The following C2CD3 variants were observed in gnomAD, a reference collection of about 807,000 sequenced individuals.
The protein encoded by C2CD3 is C2 domain-containing protein 3.
A neutral mutation model predicts 234.0 loss-of-function variants in C2CD3; 148 were observed. The observed-to-expected ratio is 0.63, with a 90% CI of 0.55 to 0.72. C2CD3 has a LOEUF of 0.72. C2CD3 is among the 30% of genes least tolerant of loss of function. The pLI, the probability that C2CD3 is intolerant of heterozygous loss-of-function variation, is 0.00. For synonymous variants in C2CD3, 1,000 were observed against 1,035.4 expected (o/e 0.97, Z 0.66); for missense variants, 2,577 against 2,811.5 (o/e 0.92, Z 1.89).
chr11:74,092,316 A>G, intron 19 of C2CD3, 100 bp downstream of exon 19: 1 of 1,110,072 alleles, frequency 9.0e-7, no homozygotes, highest in Non-Finnish European at 1.3e-6. Flanking sequence ...TGGCTTCCCA[A>G]AGTGCTGGGA....
In C2CD3 at chr11:74,120,925, AG is replaced by A. The variant is rs1957189220; in HGVS notation, c.1365+2062del. On this transcript the variant is annotated intron_variant, in intron 8 of 32. Coordinates refer to ENST00000334126, the MANE Select transcript of C2CD3 (RefSeq NM_001286577.2). ...GTAATTTCAACCCTTTGGGAGGCCA[AG>A]GCAGGAGAATTGCTTGAGCCAGGAG... Among the ~76,000 whole-genome samples, 4 of 152,152 alleles carry A rather than the reference AG, an allele frequency of 2.6e-5. No homozygotes were observed. In the South Asian group the frequency reaches 8.3e-4, roughly 32 times the overall value.
At chr11:74,030,845 A>G (rs1056545186) in intron 31 of C2CD3, among the ~76,000 whole-genome samples, 1 of 152,152 alleles carries the variant, frequency 6.6e-6, no homozygotes, top group African/African-American at 2.4e-5. Context: ...CTATCCAGTA[A>G]ATGATATCAC....
At chr11:74,083,472 C>T (rs1339696492) in intron 22 of C2CD3, among the ~76,000 whole-genome samples, 3 of 152,158 alleles carry the variant, frequency 2.0e-5, no homozygotes, top group African/African-American at 7.2e-5. Context: ...AGCTTCTGCA[C>T]AGCAAAAGAA....
intron 32 of C2CD3, among the ~76,000 whole-genome samples, chr11:74,021,433 G>T (rs1017881052): frequency 2.0e-5 from 3 of 152,296 alleles, no homozygotes; most frequent in Non-Finnish European, 4.4e-5. Context: ...GTAGGCAGTT[G>T]TAGAGTTACA....
chr11:74,022,799 A>T (rs924025087), intron 32 of C2CD3, among the ~76,000 whole-genome samples: 1 of 152,224 alleles, frequency 6.6e-6, no homozygotes. Flanking sequence ...ATTGATTTAT[A>T]ATGAATTTGG....
At chr11:74,056,232 G>A (rs1362372877) in intron 25 of C2CD3, among the ~76,000 whole-genome samples, 1 of 152,210 alleles carries the variant, frequency 6.6e-6, no homozygotes, top group African/African-American at 2.4e-5. Context: ...GCTAGTGTTG[G>A]TGGACAAGAA....
rs762028403 is a variant in C2CD3, at chr11:74,049,333, A to G, written c.5361+4T>C. ...TGGTTAGGGATGTGAATCTCCATACATACCAGTGATTTTGAGGTCTCCACT... is the reference window on the plus strand; with the variant it reads ...TGGTTAGGGATGTGAATCTCCATACGTACCAGTGATTTTGAGGTCTCCACT... On this transcript the variant is annotated splice_donor_region_variant and intron_variant, in intron 27 of 32. Coordinates refer to ENST00000334126, the MANE Select transcript of C2CD3 (RefSeq NM_001286577.2). 2.5e-6 allele frequency: 4 copies of G among 1,612,578 alleles called. No individual in the cohort carries two copies. The highest frequency in any genetic ancestry group is 1.7e-5 in the Admixed American group (1 of 60,020).
chr11:74,097,009 C>T (rs1330951888), intron 16 of C2CD3, among the ~76,000 whole-genome samples: 5 of 151,760 alleles, frequency 3.3e-5, no homozygotes, highest in African/African-American at 1.2e-4. Flanking sequence ...AGTTACCAGG[C>T]CCAGTGGTGG....
intron 20 of C2CD3, among the ~76,000 whole-genome samples, chr11:74,089,315 TAAAC>T (rs568406877): frequency 6.6e-6 from 1 of 152,042 alleles, no homozygotes; most frequent in African/African-American, 2.4e-5. Flanking sequence ...AAGTTGAAAT[TAAAC>T]AAACAAACAA....
At chr11:74,097,932 G>A in intron 16 of C2CD3, 77 bp downstream of exon 16, 1 of 1,423,386 alleles carries the variant, frequency 7.0e-7, no homozygotes, top group Non-Finnish European at 9.7e-7. Context: ...AGAAATAAAG[G>A]ATTTGGGCAA....
chr11:74,162,960 A>G (rs908500244), intron 2 of C2CD3, among the ~76,000 whole-genome samples: 1 of 152,182 alleles, frequency 6.6e-6, no homozygotes, highest in Admixed American at 6.5e-5. Context: ...GAACCAAGAG[A>G]AATGAAAATA....
At chr11:74,134,878 C>T (rs1311376482) in intron 5 of C2CD3, among the ~76,000 whole-genome samples, 1 of 152,098 alleles carries the variant, frequency 6.6e-6, no homozygotes, top group Non-Finnish European at 1.5e-5. Flanking sequence ...GTGCATACCA[C>T]CATGCCTGGC....
chr11:74,121,956 G>A (rs1331359769), intron 8 of C2CD3, among the ~76,000 whole-genome samples: 2 of 152,110 alleles, frequency 1.3e-5, no homozygotes, highest in Non-Finnish European at 2.9e-5. Context: ...TAGCCCAGTG[G>A]CTTCCTATCT....
chr11:74,084,856 G>C, intron 22 of C2CD3, 25 bp downstream of exon 22: 1 of 1,405,860 alleles, frequency 7.1e-7, no homozygotes, highest in Non-Finnish European at 1.0e-6. Flanking sequence ...GGTGGCATCA[G>C]AAAGTGATAA....
rs528614787 is a variant in C2CD3 at position 74,013,254 on chromosome 11, G to A, written c.*131C>T. The A allele has an allele frequency of 3.9e-5, 16 of 412,062 alleles. No individual in the cohort carries two copies. The highest frequency in any genetic ancestry group is 2.1e-4 in the African/African-American group (10 of 48,762). 25.5% of individuals were successfully genotyped at this position (412,062 alleles called of 1,614,324 possible). ...GCTGACCGGGTCTCTTGAGGCATCC[G>A]TGGCCTAGGCAAGTGGTGGTTTCAG... On this transcript the variant is annotated 3_prime_UTR_variant, in exon 33 of 33. Coordinates refer to ENST00000334126, the MANE Select transcript of C2CD3 (RefSeq NM_001286577.2).
chr11:74,085,768 C>A lies in C2CD3; in HGVS notation c.3760G>T (p.Ala1254Ser), dbSNP rs1955611963. 6.2e-7 allele frequency: 1 copy of A among 1,614,054 alleles called. No individual in the cohort carries two copies. The highest frequency in any genetic ancestry group is 1.3e-5 in the African/African-American group (1 of 75,008). The change falls in exon 21 of 33, where the codon GCC (alanine) becomes TCC (serine). Residue 1254 changes from alanine to serine, a missense_variant. Physicochemically the swap from Ala to Ser is moderately conservative, Grantham distance 99. Coordinates refer to ENST00000334126, the MANE Select transcript of C2CD3 (RefSeq NM_001286577.2). ...QGEQRRTHPVACSFCPEFSHH... is the reference protein window; with the variant it reads ...QGEQRRTHPVSCSFCPEFSHH... The stretch of plus-strand genomic sequence containing the variant: ...GAGAACTCAGGGCAGAAAGAACAGG[C>A]CACAGGGTGGGTTCGGCGCTGTTCT...
chr11:74,092,274 C>T (rs1055602722), intron 19 of C2CD3, 142 bp downstream of exon 19: 5 of 630,290 alleles, frequency 7.9e-6, no homozygotes, highest in South Asian at 4.0e-5. Flanking sequence ...AGGCTGGTCT[C>T]GAACTCCTGA....
chr11:74,117,854 G>A (rs184357399), intron 9 of C2CD3, among the ~76,000 whole-genome samples: 230 of 151,574 alleles, frequency 1.5e-3, no homozygotes, highest in Middle Eastern at 0.014. Flanking sequence ...TGGAGGTTGC[G>A]GTGATCTGAG....
At position 74,114,509 on chromosome 11, in the gene C2CD3, C is replaced by T. The variant is rs746138523; in HGVS notation, c.1605G>A (p.Leu535=). 2 of 1,613,716 alleles carry T rather than the reference C, an allele frequency of 1.2e-6. No homozygotes were observed. The highest frequency in any genetic ancestry group is 1.3e-5 in the African/African-American group (1 of 75,002). The change falls in exon 10 of 33, where the codon TTG becomes TTA. Residue 535 remains leucine, a synonymous_variant. Coordinates refer to ENST00000334126, the MANE Select transcript of C2CD3 (RefSeq NM_001286577.2). The stretch of plus-strand genomic sequence containing the variant: ...TGATTCTGACTGAATGTGTTCTACC[C>T]AAAAGGGCCAGTCTATCCACACTTA... ...MTLSVDRLAL[L]GRTHSVRIII...
Sources: allele counts gnomAD v4.1 joint callset (sites outside exome capture counted in the v4.1 genomes callset), GRCh38; gene constraint gnomAD v4.1.1; transcripts MANE v1.5; gene names NCBI Gene and HGNC (gene_info 2026-07-23, HGNC 2026-07-21).